Variants in RYR2 observed in about 807,000 individuals in gnomAD.
RYR2 encodes cardiac muscle ryanodine receptor-calcium release channel.
RYR2 carries 227 observed loss-of-function variants against 601.1 expected under a neutral mutation model. That is an observed-to-expected ratio of 0.38 (90% CI 0.34 to 0.42). RYR2 has a LOEUF of 0.42. Ranked by LOEUF, RYR2 falls within the 10% of genes least tolerant of loss-of-function variation. RYR2 has a pLI of 1.00. For synonymous variants in RYR2, 2,223 were observed against 2,175.1 expected (o/e 1.02, Z -0.61); for missense variants, 4,646 against 6,156.5 (o/e 0.75, Z 8.21).
chr1:237,810,778 C>A (rs1661167966), intron 100 of RYR2, among the ~76,000 whole-genome samples: 1 of 151,856 alleles, frequency 6.6e-6, no homozygotes, highest in Non-Finnish European at 1.5e-5. Context: ...GAGAGAAATT[C>A]ATGTATACAG....
chr1:237,258,950 A>G (rs1289873579), intron 1 of RYR2, among the ~76,000 whole-genome samples: 1 of 152,016 alleles, frequency 6.6e-6, no homozygotes, highest in Non-Finnish European at 1.5e-5. Flanking sequence ...TCAGAGCAAC[A>G]TTCTGCCTTC....
intron 29 of RYR2, among the ~76,000 whole-genome samples, chr1:237,584,649 G>GTTTTTTGTTTTTTTTT (rs763528934): frequency 2.5e-4 from 18 of 72,450 alleles, no homozygotes; most frequent in African/African-American, 7.4e-4. Context: ...CTCACCACCT[G>GTTTTTTGTTTTTTTTT]TTTTTTTTTT....
At chr1:237,718,872 C>A (rs1337149923) in intron 73 of RYR2, among the ~76,000 whole-genome samples, 1 of 152,128 alleles carries the variant, frequency 6.6e-6, no homozygotes, top group African/African-American at 2.4e-5. Context: ...TGGTGTGCTG[C>A]ACCCATTAGC....
chr1:237,157,750 G>A (rs1052347475), intron 1 of RYR2, among the ~76,000 whole-genome samples: 1 of 152,136 alleles, frequency 6.6e-6, no homozygotes, highest in Admixed American at 6.5e-5. Context: ...GGGAAGGGAC[G>A]GTGGGAGGAG....
intron 1 of RYR2, among the ~76,000 whole-genome samples, chr1:237,196,740 A>G (rs1680614735): frequency 6.6e-6 from 1 of 152,146 alleles, no homozygotes; most frequent in African/African-American, 2.4e-5. Flanking sequence ...AGATGTTCCT[A>G]ACTATTCCGG....
At chr1:237,569,091 G>A in intron 28 of RYR2, 54 bp from the exon 29 acceptor site, 2 of 1,538,836 alleles carry the variant, frequency 1.3e-6, no homozygotes, top group South Asian at 2.5e-5. Flanking sequence ...TGGTGGGTGG[G>A]TGCGATTTTC....
chr1:237,801,541 C>CAAAAAAA (rs113741938), intron 97 of RYR2, among the ~76,000 whole-genome samples: 2 of 106,396 alleles, frequency 1.9e-5, no homozygotes, highest in Non-Finnish European at 3.9e-5. Flanking sequence ...AACTCTGTCT[C>CAAAAAAA]AAAAAAAAAA....
intron 1 of RYR2, among the ~76,000 whole-genome samples, chr1:237,047,205 G>T (rs951120227): frequency 1.3e-5 from 2 of 152,148 alleles, no homozygotes; most frequent in Non-Finnish European, 2.9e-5. Flanking sequence ...TTATAGAGTA[G>T]ATTTAAACCC....
chr1:237,546,121 G>T (rs1044228939), intron 25 of RYR2, among the ~76,000 whole-genome samples: 16 of 151,798 alleles, frequency 1.1e-4, no homozygotes, highest in African/African-American at 3.9e-4. Flanking sequence ...ATGATTTATA[G>T]AAGTTGTTAA....
intron 80 of RYR2, among the ~76,000 whole-genome samples, chr1:237,744,316 T>C (rs1691868423): frequency 6.7e-6 from 1 of 148,530 alleles, no homozygotes; most frequent in Non-Finnish European, 1.5e-5. Flanking sequence ...GTGAAGATGA[T>C]ACCTATAAAG....
intron 12 of RYR2, among the ~76,000 whole-genome samples, chr1:237,424,220 C>T (rs894003220): frequency 2.0e-5 from 3 of 152,094 alleles, no homozygotes; most frequent in African/African-American, 7.2e-5. Flanking sequence ...GATTGTGAAA[C>T]TTGGGAAAGA....
intron 1 of RYR2, among the ~76,000 whole-genome samples, chr1:237,058,767 AG>A (rs1484624139): frequency 9.2e-6 from 1 of 108,132 alleles, no homozygotes; most frequent in African/African-American, 3.6e-5. Context: ...CACCTGGTTA[AG>A]GTGCTTAGAG....
At chr1:237,280,576 T>G (rs1039295660) in intron 2 of RYR2, among the ~76,000 whole-genome samples, 1 of 152,182 alleles carries the variant, frequency 6.6e-6, no homozygotes, top group Non-Finnish European at 1.5e-5. Context: ...ATGGTAAGTG[T>G]GGCAGAAAGG....
chr1:237,792,523 A>AT (rs1658577723), intron 94 of RYR2, among the ~76,000 whole-genome samples, 200 bp downstream of exon 94: 1 of 151,896 alleles, frequency 6.6e-6, no homozygotes, highest in Admixed American at 6.6e-5. Context: ...CATGGGGCAA[A>AT]TGGAGGAAGG....
chr1:237,585,210 G>T (rs1674394776), intron 29 of RYR2, among the ~76,000 whole-genome samples: 1 of 152,158 alleles, frequency 6.6e-6, no homozygotes, highest in South Asian at 2.1e-4. Context: ...TGAGCCCCAG[G>T]ATAAAGCATG....
intron 1 of RYR2, among the ~76,000 whole-genome samples, chr1:237,148,352 CG>C (rs1674244266): frequency 6.6e-6 from 1 of 151,320 alleles, no homozygotes; most frequent in African/African-American, 2.4e-5. Context: ...TGGGGCCTGT[CG>C]GGAGGGCTGG....
intron 1 of RYR2, among the ~76,000 whole-genome samples, chr1:237,211,092 G>A (rs1473730702): frequency 6.6e-6 from 1 of 152,162 alleles, no homozygotes; most frequent in Non-Finnish European, 1.5e-5. Flanking sequence ...TACCGCTTAG[G>A]TTATTGGATG....
At position 237,209,515 on chromosome 1, in the gene RYR2, AT is replaced by A. The variant is rs1236992824; in HGVS notation, c.49-60970del. On this transcript the variant is annotated intron_variant, in intron 1 of 104. Coordinates refer to ENST00000366574, the MANE Select transcript of RYR2 (RefSeq NM_001035.3). ...TGCATATATGTGTGTGTGTGTGTGT[AT>A]TTTTTTTTTTTCTTTGGGAAGTGTG... Among the ~76,000 whole-genome samples, 170 of 24,280 alleles carry A rather than the reference AT, an allele frequency of 7.0e-3. 1 individual carries two copies. The highest frequency in any genetic ancestry group is 0.036 in the Middle Eastern group (1 of 28). The allele number at this position is 24,280 out of a possible 152,430, so 15.9% of individuals were successfully genotyped here.
At chr1:237,831,038 T>A (rs1663718237) in intron 103 of RYR2, among the ~76,000 whole-genome samples, 2 of 152,144 alleles carry the variant, frequency 1.3e-5, no homozygotes, top group East Asian at 1.9e-4. Flanking sequence ...AAGCTGCATT[T>A]AAAAAAATAT....
Sources: gnomAD v4.1 joint callset for allele counts (sites outside exome capture counted in the v4.1 genomes callset) on GRCh38, gnomAD v4.1.1 for gene constraint, MANE v1.5 for transcripts, NCBI Gene and HGNC (gene_info 2026-07-23, HGNC 2026-07-21) for gene names.